Variants in NPAS3 observed in about 807,000 individuals in gnomAD.
The protein encoded by NPAS3 is neuronal PAS domain-containing protein 3.
Under a neutral mutation model 73.1 loss-of-function variants are expected in NPAS3, and 14 were observed. The ratio of observed to expected loss-of-function variants is 0.19; its 90% CI spans 0.13 to 0.30. The LOEUF (loss-of-function observed/expected upper bound fraction) is 0.30. Ranked by LOEUF, NPAS3 falls within the 10% of genes least tolerant of loss-of-function variation. The probability of loss-of-function intolerance (pLI) is 1.00; values close to 1 mark genes in which losing one functional copy is unlikely to be tolerated. For missense variants in NPAS3, 1,096 were observed against 1,250.0 expected, an observed-to-expected ratio of 0.88 and a Z score of 1.86; for synonymous variants, 620 against 541.5, an observed-to-expected ratio of 1.14 and a Z score of -2.01.
intron 3 of NPAS3, among the ~76,000 whole-genome samples, chr14:33,352,099 T>C (rs1159922998): frequency 6.6e-6 from 1 of 152,132 alleles, no homozygotes; most frequent in Non-Finnish European, 1.5e-5. Context: ...AGAATACACA[T>C]CTTTGAGGAA....
At chr14:33,403,713 C>G (rs1161745583) in intron 4 of NPAS3, among the ~76,000 whole-genome samples, 2 of 152,012 alleles carry the variant, frequency 1.3e-5, no homozygotes, top group Non-Finnish European at 2.9e-5. Context: ...TTGATTGCAC[C>G]TCCCCCAGTA....
At chr14:33,085,564 C>T (rs927617357) in intron 2 of NPAS3, among the ~76,000 whole-genome samples, 5 of 152,188 alleles carry the variant, frequency 3.3e-5, no homozygotes, top group Admixed American at 1.3e-4. Context: ...GTGGGCTAGT[C>T]GTGTGATTAA....
intron 1 of NPAS3, among the ~76,000 whole-genome samples, chr14:33,051,823 G>A (rs1222566945): frequency 1.3e-5 from 2 of 152,076 alleles, no homozygotes; most frequent in African/African-American, 2.4e-5. Context: ...GCAGTGGTGC[G>A]AGCTTGACTC....
intron 4 of NPAS3, among the ~76,000 whole-genome samples, chr14:33,472,717 T>C (rs1234137709): frequency 2.0e-5 from 3 of 149,912 alleles, no homozygotes; most frequent in Non-Finnish European, 2.9e-5. Context: ...CCTCAGTGGC[T>C]GGATGAAGTT....
In NPAS3 at chr14:33,579,813, G is replaced by C. The variant is rs548687473; in HGVS notation, c.558+19603G>C. 2.0e-5 allele frequency among the ~76,000 whole-genome samples: 3 copies of C among 151,998 alleles called. No individual in the cohort carries two copies. In the South Asian group the frequency reaches 6.2e-4, roughly 32 times the overall value. On this transcript the variant is annotated intron_variant, in intron 5 of 11. Transcript: ENST00000356141. Reference sequence around the variant, plus strand: ...CAAAGCTGCCAAAGTTGGAAGTAAAGGCCTTATTGTATCTACACGAAGCCA... The same window carrying C: ...CAAAGCTGCCAAAGTTGGAAGTAAACGCCTTATTGTATCTACACGAAGCCA...
intron 1 of NPAS3, among the ~76,000 whole-genome samples, chr14:33,022,439 C>T (rs889218450): frequency 2.0e-4 from 30 of 152,020 alleles, no homozygotes; most frequent in Admixed American, 6.5e-4. Context: ...CTGAGGCGGG[C>T]GGATCACGAG....
chr14:32,972,305 A>C (rs906441841), intron 1 of NPAS3, among the ~76,000 whole-genome samples: 3 of 152,192 alleles, frequency 2.0e-5, no homozygotes, highest in African/African-American at 7.2e-5. Context: ...AATACTCATT[A>C]AAAGCAAAGA....
chr14:33,355,747 C>T (rs757581469), intron 3 of NPAS3, among the ~76,000 whole-genome samples: 3 of 152,180 alleles, frequency 2.0e-5, no homozygotes, highest in Non-Finnish European at 2.9e-5. Context: ...GACATCATGT[C>T]CCTCCTTCCC....
intron 2 of NPAS3, among the ~76,000 whole-genome samples, chr14:33,175,733 C>G (rs1463929293): frequency 6.6e-6 from 1 of 151,944 alleles, no homozygotes; most frequent in Non-Finnish European, 1.5e-5. Context: ...ATACAACATC[C>G]CAATGGGATG....
intron 3 of NPAS3, among the ~76,000 whole-genome samples, chr14:33,242,391 G>A (rs981584046): frequency 7.2e-5 from 11 of 151,936 alleles, no homozygotes; most frequent in Admixed American, 3.9e-4. Context: ...TCCCTTCCCT[G>A]AAAGTGGTAC....
At chr14:33,604,012 T>TA (rs533319213) in intron 5 of NPAS3, among the ~76,000 whole-genome samples, 169 of 142,574 alleles carry the variant, frequency 1.2e-3, no homozygotes, top group Middle Eastern at 7.1e-3. Context: ...CTAAAACAAC[T>TA]AAAAAAAAAA....
chr14:33,511,368 A>C lies in NPAS3; in HGVS notation c.469-48753A>C, dbSNP rs1013302574. Among the ~76,000 whole-genome samples the C allele has an allele frequency of 4.6e-5, 7 of 152,052 alleles. No individual in the cohort carries two copies. The South Asian group carries it at 6.2e-4, about 13-fold the overall frequency. On this transcript the variant is annotated intron_variant, in intron 4 of 11. Transcript: ENST00000356141. ...ACAACTTCCTATTTTTATTTCCATCACTTTTGATCCCTTTCGGCAGGTTTC... is the reference window on the plus strand; with the variant it reads ...ACAACTTCCTATTTTTATTTCCATCCCTTTTGATCCCTTTCGGCAGGTTTC...
intron 1 of NPAS3, among the ~76,000 whole-genome samples, chr14:33,004,465 C>A (rs2038918611): frequency 1.3e-5 from 2 of 152,090 alleles, no homozygotes. Flanking sequence ...AAATGGTACT[C>A]CTGTATAGGG....
At chr14:33,634,523 A>T (rs1033247042) in intron 5 of NPAS3, among the ~76,000 whole-genome samples, 1 of 152,236 alleles carries the variant, frequency 6.6e-6, no homozygotes, top group African/African-American at 2.4e-5. Context: ...CGTATAAAAA[A>T]GAAGGCGGGC....
At chr14:33,764,686 G>GA (rs2062404326) in intron 7 of NPAS3, among the ~76,000 whole-genome samples, 1 of 152,214 alleles carries the variant, frequency 6.6e-6, no homozygotes, top group Non-Finnish European at 1.5e-5. Flanking sequence ...ACTAAGCCAT[G>GA]AGGGGCCTCA....
chr14:33,094,114 T>TA (rs34494598), intron 2 of NPAS3, among the ~76,000 whole-genome samples: 33 of 148,750 alleles, frequency 2.2e-4, no homozygotes, highest in South Asian at 6.3e-4. Context: ...ACTTAAAGTA[T>TA]AAAAAAAAAA....
intron 4 of NPAS3, among the ~76,000 whole-genome samples, chr14:33,515,176 A>G (rs1228473996): frequency 6.6e-6 from 1 of 152,050 alleles, no homozygotes; most frequent in Non-Finnish European, 1.5e-5. Context: ...GGCTACTTCC[A>G]CACTCACTTC....
intron 4 of NPAS3, among the ~76,000 whole-genome samples, chr14:33,450,609 G>A (rs114222746): frequency 0.014 from 2,110 of 152,222 alleles, 46 homozygotes; most frequent in African/African-American, 0.048. Flanking sequence ...CTTAAATACT[G>A]TTGTTATTTC....
chr14:33,064,553 C>T (rs906254378), intron 2 of NPAS3, among the ~76,000 whole-genome samples: 10 of 152,082 alleles, frequency 6.6e-5, no homozygotes, highest in African/African-American at 2.4e-4. Context: ...TTTCACCAGG[C>T]CCAATGTCAT....
Sources: gnomAD v4.1 joint callset for allele counts (sites outside exome capture counted in the v4.1 genomes callset) on GRCh38, gnomAD v4.1.1 for gene constraint, MANE v1.5 for transcripts, NCBI Gene and HGNC (gene_info 2026-07-23, HGNC 2026-07-21) for gene names.